RPL37A: variants seen among roughly 807,000 people sequenced by gnomAD.
The protein encoded by RPL37A is ribosomal protein L37a.
A neutral mutation model predicts 13.6 loss-of-function variants in RPL37A; 5 were observed. That is an observed-to-expected ratio of 0.37 (90% CI 0.19 to 0.78). RPL37A has a LOEUF of 0.78. Ranked by LOEUF, RPL37A falls within the 30% of genes least tolerant of loss-of-function variation. The probability of loss-of-function intolerance (pLI) is 0.49; values close to 1 mark genes in which losing one functional copy is unlikely to be tolerated. For synonymous variants in RPL37A, 50 were observed against 44.4 expected (o/e 1.13, Z -0.50); for missense variants, 77 against 120.0 (o/e 0.64, Z 1.67).
At position 216,502,801 on chromosome 2, in the gene RPL37A, T is replaced by C. The variant is rs1695622158; in HGVS notation, c.*1397T>C. The C allele has an allele frequency of 6.6e-6, 1 of 152,200 alleles. No homozygotes were observed. The highest frequency in any genetic ancestry group is 2.4e-5 in the African/African-American group (1 of 41,444). The allele number at this position is 152,200 out of a possible 1,614,324, so 9.4% of individuals were successfully genotyped here. ...ATTTCACTTGGTCTGACCCCTATCT[T>C]CTATAACTTGTTTTTTTGCTCATTA... On this transcript the variant is annotated 3_prime_UTR_variant, in exon 4 of 4. Coordinates refer to ENST00000491306, the MANE Select transcript of RPL37A (RefSeq NM_000998.5).
Position 216,501,955 on chromosome 2 carries a change from A to T in RPL37A, c.*551A>T, listed in dbSNP as rs569423001. The T allele has an allele frequency of 1.3e-5, 2 of 152,646 alleles. No individual in the cohort carries two copies. The highest frequency in any genetic ancestry group is 4.1e-4 in the South Asian group (2 of 4,840). 9.5% of individuals were successfully genotyped at this position (152,646 alleles called of 1,614,324 possible). A position where few individuals can be genotyped will look rare whatever the true frequency, so the allele number is the denominator to read the frequency against. On this transcript the variant is annotated 3_prime_UTR_variant, in exon 4 of 4. Coordinates refer to ENST00000491306, the MANE Select transcript of RPL37A (RefSeq NM_000998.5). ...GCTGTTCTTGAACTGACCTCAAGCG[A>T]TCCACCTGCCTTGGCCTTCCAGAGT...
At chr2:216,501,218 G>T (rs1414550988) in intron 3 of RPL37A, 123 bp from the exon 4 acceptor site, 3 of 695,404 alleles carry the variant, frequency 4.3e-6, no homozygotes, top group Non-Finnish European at 5.1e-6. Context: ...GTCTATCTCA[G>T]TATAATTCTT....
chr2:216,499,714 A>C (rs1409815813), intron 2 of RPL37A: 8 of 681,744 alleles, frequency 1.2e-5, no homozygotes, highest in Non-Finnish European at 2.1e-5. Flanking sequence ...ACCAACTCCC[A>C]AGATGTCTGT....
At position 216,501,655 on chromosome 2, in the gene RPL37A, C is replaced by T. The variant is rs768276944; in HGVS notation, c.*251C>T. 86 of 327,714 alleles carry T rather than the reference C, an allele frequency of 2.6e-4. No individual in the cohort carries two copies. The highest frequency in any genetic ancestry group is 4.1e-4 in the Non-Finnish European group (74 of 179,636). The allele number at this position is 327,714 out of a possible 1,614,324, so 20.3% of individuals were successfully genotyped here. On this transcript the variant is annotated 3_prime_UTR_variant, in exon 4 of 4. Transcript: ENST00000491306. ...TGAGTGTTAGCTTTTTATAAGTCTGCTCCTGCCAGTTTGACTTTGAGATAC... is the reference window on the plus strand; with the variant it reads ...TGAGTGTTAGCTTTTTATAAGTCTGTTCCTGCCAGTTTGACTTTGAGATAC...
chr2:216,499,500 A>G (rs1695559842), intron 2 of RPL37A, 102 bp downstream of exon 2: 1 of 1,368,494 alleles, frequency 7.3e-7, no homozygotes, highest in Middle Eastern at 1.9e-4. Context: ...GCTGGTGGGC[A>G]GTTGGAATTA....
At chr2:216,500,332 C>G in intron 3 of RPL37A, 1 of 404,310 alleles carries the variant, frequency 2.5e-6, no homozygotes, top group South Asian at 3.0e-5. Flanking sequence ...GCTGAATCTA[C>G]TGAACGTTGA....
chr2:216,501,165 G>C, intron 3 of RPL37A, 176 bp from the exon 4 acceptor site: 1 of 539,176 alleles, frequency 1.9e-6, no homozygotes, highest in Non-Finnish European at 3.3e-6. Flanking sequence ...ATCTAATGTT[G>C]GTTAGATCTT....
intron 1 of RPL37A, 118 bp from the exon 2 acceptor site, chr2:216,499,152 G>A: frequency 7.6e-7 from 1 of 1,319,854 alleles, no homozygotes; most frequent in Non-Finnish European, 1.0e-6. Context: ...GGAAAACTAG[G>A]TCATATGTAA....
rs775170922 is a variant in RPL37A at position 216,501,567 on chromosome 2, T to C, written c.*163T>C. 3 of 520,528 alleles carry C rather than the reference T, an allele frequency of 5.8e-6. No homozygotes were observed. The African/African-American group carries it at 5.8e-5, about 10-fold the overall frequency. 32.2% of individuals were successfully genotyped at this position (520,528 alleles called of 1,614,324 possible). On this transcript the variant is annotated 3_prime_UTR_variant, in exon 4 of 4. Coordinates refer to ENST00000491306, the MANE Select transcript of RPL37A (RefSeq NM_000998.5). ...GCCAAGATGGATTATTGTAATTCAGTGTCTTTTTTAGTAGTCAAATGGTAA... is the reference window on the plus strand; with the variant it reads ...GCCAAGATGGATTATTGTAATTCAGCGTCTTTTTTAGTAGTCAAATGGTAA...
At chr2:216,498,920 C>T (rs774733823) in intron 1 of RPL37A, 43 bp downstream of exon 1, 7 of 1,613,244 alleles carry the variant, frequency 4.3e-6, no homozygotes, top group Non-Finnish European at 5.9e-6. Context: ...TATCTGCCTG[C>T]ATCTGTCCTT....
At position 216,501,538 on chromosome 2, in the gene RPL37A, G is replaced by A. The variant is rs1574498095; in HGVS notation, c.*134G>A. On this transcript the variant is annotated 3_prime_UTR_variant, in exon 4 of 4. Coordinates refer to ENST00000491306, the MANE Select transcript of RPL37A (RefSeq NM_000998.5). ...GTGTAAATACTGTTGTATTGGAAAA[G>A]CATGCCAAGATGGATTATTGTAATT... 1.2e-5 allele frequency: 7 copies of A among 579,814 alleles called. No individual in the cohort carries two copies. In the East Asian group the frequency reaches 1.8e-4, roughly 15 times the overall value. 35.9% of individuals were successfully genotyped at this position (579,814 alleles called of 1,614,324 possible).
intron 3 of RPL37A, 54 bp from the exon 4 acceptor site, chr2:216,501,272 GATTTACTTATTTGCC>G (rs1330071307): frequency 7.5e-7 from 1 of 1,341,580 alleles, no homozygotes; most frequent in African/African-American, 1.4e-5. Flanking sequence ...AAACGAGGCA[GATTTACTTATTTGCC>G]ATTTTCTATG....
At chr2:216,500,073 C>A in intron 3 of RPL37A, 42 bp downstream of exon 3, 1 of 1,512,456 alleles carries the variant, frequency 6.6e-7, no homozygotes, top group Non-Finnish European at 9.2e-7. Flanking sequence ...GTGTGGACCA[C>A]ATAGGCCCAA....
In RPL37A at chr2:216,498,885, T is replaced by C; in HGVS notation, c.3+8T>C. On this transcript the variant is annotated splice_region_variant and intron_variant, in intron 1 of 3. Coordinates refer to ENST00000491306, the MANE Select transcript of RPL37A (RefSeq NM_000998.5). ...CTAGGTCGCGGCGACATGGTGAGTG[T>C]GGGTCTCTGTGCGGCCTAGAACTCT... The C allele has an allele frequency of 6.2e-7, 1 of 1,614,060 alleles. No individual in the cohort carries two copies. The highest frequency in any genetic ancestry group is 8.5e-7 in the Non-Finnish European group (1 of 1,179,926).
chr2:216,499,158 T>C, intron 1 of RPL37A, 112 bp from the exon 2 acceptor site: 1 of 1,339,326 alleles, frequency 7.5e-7, no homozygotes, highest in South Asian at 1.4e-5. Flanking sequence ...CTAGGTCATA[T>C]GTAATTCACA....
chr2:216,500,091 G>GCAACCTGGAAT, intron 3 of RPL37A, 60 bp downstream of exon 3: 1 of 1,337,768 alleles, frequency 7.5e-7, no homozygotes, highest in Non-Finnish European at 1.1e-6. Context: ...CAAATTCCAG[G>GCAACCTGGAAT]TTGCTGCTGG....
Position 216,499,406 on chromosome 2 carries a change from A to G in RPL37A, c.132+8A>G. 1 of 1,613,996 alleles carries G rather than the reference A, an allele frequency of 6.2e-7. No individual in the cohort carries two copies. Among genetic ancestry groups the G allele is most frequent in the South Asian group, 1.1e-5 (1 of 91,050 alleles). On this transcript the variant is annotated splice_region_variant and intron_variant, in intron 2 of 3. Coordinates refer to ENST00000491306, the MANE Select transcript of RPL37A (RefSeq NM_000998.5). The stretch of plus-strand genomic sequence containing the variant: ...TGCTCTTTCTGTGGCAAAGTAAGTA[A>G]GGCAAAGTCTCTGGTGAGAGGAGAG...
Position 216,498,881 on chromosome 2 carries a change from A to G in RPL37A, c.3+4A>G. On this transcript the variant is annotated splice_donor_region_variant and intron_variant, in intron 1 of 3. Transcript: ENST00000491306. ...GGACCTAGGTCGCGGCGACATGGTG[A>G]GTGTGGGTCTCTGTGCGGCCTAGAA... 1 of 1,613,966 alleles carries G rather than the reference A, an allele frequency of 6.2e-7. No individual in the cohort carries two copies. The highest frequency in any genetic ancestry group is 8.5e-7 in the Non-Finnish European group (1 of 1,179,916).
Position 216,501,459 on chromosome 2 carries a change from G to T in RPL37A, c.*55G>T. ...GCCTATAATAAATGGGTTAATTTAT[G>T]TAACAAAATTGCCTTGGCTTGTTAA... is the stretch of plus-strand genomic sequence containing the variant. On this transcript the variant is annotated 3_prime_UTR_variant, in exon 4 of 4. Transcript: ENST00000491306. The T allele has an allele frequency of 7.8e-7, 1 of 1,286,506 alleles. No individual in the cohort carries two copies. Among genetic ancestry groups the T allele is most frequent in the South Asian group, 1.2e-5 (1 of 80,736 alleles). The allele number at this position is 1,286,506 out of a possible 1,614,324, so 79.7% of individuals were successfully genotyped here. A position where few individuals can be genotyped will look rare whatever the true frequency, so the allele number is the denominator to read the frequency against.
Sources: allele counts gnomAD v4.1 joint callset, GRCh38; gene constraint gnomAD v4.1.1; transcripts MANE v1.5; gene names NCBI Gene and HGNC (gene_info 2026-07-23, HGNC 2026-07-21).